Variants in ARHGAP10 observed in about 807,000 individuals in gnomAD.
ARHGAP10 encodes Rho GTPase activating protein 10.
In ARHGAP10, 87 loss-of-function variants were observed where a neutral mutation model predicts 108.6. The observed-to-expected ratio is 0.80, with a 90% CI of 0.67 to 0.96. The LOEUF is 0.96. Among genes scored for constraint, ARHGAP10 ranks in the 40% least tolerant of loss-of-function variants. The pLI is 0.00. For missense variants in ARHGAP10, 939 were observed against 954.5 expected (o/e 0.98, Z 0.21); for synonymous variants, 347 against 341.1 (o/e 1.02, Z -0.19).
chr4:147,988,389 G>T (rs1740121470), intron 18 of ARHGAP10, among the ~76,000 whole-genome samples: 1 of 152,046 alleles, frequency 6.6e-6, no homozygotes, highest in Admixed American at 6.6e-5. Flanking sequence ...TCTATTCTGT[G>T]CCTTGCATTC....
chr4:148,059,788 C>T (rs1016884010), intron 20 of ARHGAP10, among the ~76,000 whole-genome samples: 9 of 152,126 alleles, frequency 5.9e-5, no homozygotes, highest in Admixed American at 2.0e-4. Flanking sequence ...GTGGGACTCG[C>T]GGTCAGAGCC....
At chr4:147,928,315 A>G (rs1737541427) in intron 13 of ARHGAP10, among the ~76,000 whole-genome samples, 1 of 152,142 alleles carries the variant, frequency 6.6e-6, no homozygotes. Flanking sequence ...GACAGTAGTG[A>G]GTGGATGTGA....
Position 147,770,867 on chromosome 4 carries a change from G to C in ARHGAP10, c.154+38412G>C, listed in dbSNP as rs2126718239. Among the ~76,000 whole-genome samples, 2 of 152,276 alleles carry C rather than the reference G, an allele frequency of 1.3e-5. 1 individual carries two copies. The highest frequency in any genetic ancestry group is 4.1e-4 in the South Asian group (2 of 4,830). On this transcript the variant is annotated intron_variant, in intron 1 of 22. Transcript: ENST00000336498. ...AGCAGTCTTATTTTCTAGTAATTCTGGAGGCTAGAAGTCTGAGATCAAGGT... is the reference window on the plus strand; with the variant it reads ...AGCAGTCTTATTTTCTAGTAATTCTCGAGGCTAGAAGTCTGAGATCAAGGT...
chr4:147,972,830 CT>C (rs1464099093), intron 18 of ARHGAP10, among the ~76,000 whole-genome samples: 1 of 151,992 alleles, frequency 6.6e-6, no homozygotes, highest in East Asian at 1.9e-4. Flanking sequence ...TCTTGGCTCA[CT>C]GCAATCTCTG....
At chr4:148,059,407 C>T (rs1046896701) in intron 20 of ARHGAP10, among the ~76,000 whole-genome samples, 1 of 151,964 alleles carries the variant, frequency 6.6e-6, no homozygotes, top group African/African-American at 2.4e-5. Flanking sequence ...GGTTTGTGCT[C>T]ATGCCAGTCT....
intron 1 of ARHGAP10, among the ~76,000 whole-genome samples, chr4:147,734,650 T>C (rs1258277259): frequency 6.6e-6 from 1 of 152,188 alleles, no homozygotes; most frequent in Non-Finnish European, 1.5e-5. Flanking sequence ...AGGGCGTGGC[T>C]ATAGGAAAAT....
In ARHGAP10 at chr4:147,947,227, C is replaced by CTT. The variant is rs34782915; in HGVS notation, c.1391+542_1391+543dup. Among the ~76,000 whole-genome samples, 169 of 101,586 alleles carry CTT rather than the reference C, an allele frequency of 1.7e-3. 1 individual carries two copies. The highest frequency in any genetic ancestry group is 4.4e-3 in the African/African-American group (132 of 29,980). The allele number at this position is 101,586 out of a possible 152,430, so 66.6% of individuals were successfully genotyped here. ...GTAGCATTTTTTTATGAGTCACTGT[C>CTT]TTTTTTTTTTTTTTTTTTTTAAAGA... On this transcript the variant is annotated intron_variant, in intron 15 of 22. Coordinates refer to ENST00000336498, the MANE Select transcript of ARHGAP10 (RefSeq NM_024605.4).
chr4:147,990,040 C>T (rs1740210251), intron 18 of ARHGAP10, among the ~76,000 whole-genome samples: 1 of 152,126 alleles, frequency 6.6e-6, no homozygotes, highest in African/African-American at 2.4e-5. Context: ...GTTTGGGGTC[C>T]CTGACTTCCC....
intron 10 of ARHGAP10, among the ~76,000 whole-genome samples, chr4:147,894,097 GT>G (rs1735896090): frequency 6.6e-6 from 1 of 150,980 alleles, no homozygotes; most frequent in Admixed American, 6.6e-5. Context: ...TTCTACAAGA[GT>G]TTTTGTGGAG....
At chr4:148,032,228 C>T (rs1216163265) in intron 19 of ARHGAP10, among the ~76,000 whole-genome samples, 2 of 151,118 alleles carry the variant, frequency 1.3e-5, no homozygotes, top group Non-Finnish European at 2.9e-5. Flanking sequence ...GTGCCTGCGT[C>T]TGCAAGCCAG....
chr4:147,997,098 C>A (rs1740506240), intron 18 of ARHGAP10, among the ~76,000 whole-genome samples: 1 of 152,202 alleles, frequency 6.6e-6, no homozygotes, highest in African/African-American at 2.4e-5. Context: ...ACACAGATAT[C>A]CAAAACATGG....
intron 3 of ARHGAP10, among the ~76,000 whole-genome samples, chr4:147,829,481 G>A (rs190513443): frequency 1.5e-4 from 23 of 152,278 alleles, no homozygotes; most frequent in South Asian, 4.1e-4. Flanking sequence ...GAGCCACCGC[G>A]CCCGGCCAGG....
In ARHGAP10 at chr4:147,857,556, GA is replaced by G. The variant is rs1272122079; in HGVS notation, c.395del (p.Lys132ArgfsTer13). 3.4e-6 allele frequency: 5 copies of G among 1,456,084 alleles called. No individual in the cohort carries two copies. Among genetic ancestry groups the G allele is most frequent in the Non-Finnish European group, 4.5e-6 (5 of 1,102,734 alleles). The allele number at this position is 1,456,084 out of a possible 1,614,324, so 90.2% of individuals were successfully genotyped here. A position where few individuals can be genotyped will look rare whatever the true frequency, so the allele number is the denominator to read the frequency against. ...ATAGTTTTTTTTTTATTTGTAGGAA[GA>G]AAAAAAGAAGTTTGACAAAGAGACA... ...RKEQLGAVKE[E>X]KKKFDKETEK... On this transcript the variant is annotated frameshift_variant, in exon 5 of 23. Transcript: ENST00000336498. LOFTEE classifies it high-confidence loss of function.
intron 5 of ARHGAP10, among the ~76,000 whole-genome samples, chr4:147,860,358 C>T (rs1008852061): frequency 2.6e-5 from 4 of 152,174 alleles, no homozygotes; most frequent in South Asian, 2.1e-4. Flanking sequence ...AGGAGAATGG[C>T]GTGAACCCAG....
chr4:147,750,080 C>T (rs1405309027), intron 1 of ARHGAP10, among the ~76,000 whole-genome samples: 1 of 152,114 alleles, frequency 6.6e-6, no homozygotes, highest in Non-Finnish European at 1.5e-5. Context: ...GTCCAGAAAA[C>T]AAAGAGGCAA....
At chr4:147,749,146 T>C (rs551932948) in intron 1 of ARHGAP10, among the ~76,000 whole-genome samples, 3 of 152,232 alleles carry the variant, frequency 2.0e-5, no homozygotes, top group South Asian at 4.2e-4. Context: ...ATTTTAACCA[T>C]AATAGAGGAG....
chr4:147,948,045 A>G (rs1327968173), intron 15 of ARHGAP10, among the ~76,000 whole-genome samples: 1 of 151,338 alleles, frequency 6.6e-6, no homozygotes, highest in African/African-American at 2.4e-5. Context: ...GGTTCCAGCA[A>G]TTCTCCTGCC....
intron 1 of ARHGAP10, among the ~76,000 whole-genome samples, chr4:147,784,743 A>G (rs185874568): frequency 0.26 from 4,262 of 16,188 alleles, 1,571 homozygotes; most frequent in Non-Finnish European, 0.7. Flanking sequence ...TATATATTAT[A>G]AATATATATT....
chr4:147,768,440 A>G (rs1055570438), intron 1 of ARHGAP10, among the ~76,000 whole-genome samples: 4 of 152,186 alleles, frequency 2.6e-5, no homozygotes, highest in African/African-American at 9.6e-5. Context: ...ACATCAGCTT[A>G]AAGATTTGTT....
Sources: gnomAD v4.1 joint callset for allele counts (sites outside exome capture counted in the v4.1 genomes callset) on GRCh38, gnomAD v4.1.1 for gene constraint, MANE v1.5 for transcripts, NCBI Gene and HGNC (gene_info 2026-07-23, HGNC 2026-07-21) for gene names.